TRPM3: variants seen among roughly 807,000 people sequenced by gnomAD.
TRPM3 encodes the protein long transient receptor potential channel 3.
A neutral mutation model predicts 181.2 loss-of-function variants in TRPM3; 77 were observed. That is an observed-to-expected ratio of 0.42 (90% CI 0.35 to 0.51). The LOEUF is 0.51. Ranked by LOEUF, TRPM3 falls within the 20% of genes least tolerant of loss-of-function variation. TRPM3 has a pLI of 0.01. For synonymous variants in TRPM3, 745 were observed against 796.4 expected (o/e 0.94, Z 1.09); for missense variants, 1,759 against 2,196.7 (o/e 0.80, Z 3.98).
intron 22 of TRPM3, among the ~76,000 whole-genome samples, chr9:70,566,590 A>C (rs1380987294): frequency 6.6e-6 from 1 of 152,222 alleles, no homozygotes; most frequent in African/African-American, 2.4e-5. Context: ...ATTGCTCCTC[A>C]TCCATTCCAC....
intron 22 of TRPM3, among the ~76,000 whole-genome samples, chr9:70,566,717 T>C (rs62545464): frequency 4.0e-5 from 6 of 151,894 alleles, no homozygotes; most frequent in African/African-American, 1.2e-4. Flanking sequence ...TGTACCTAGT[T>C]GGGGGAGATC....
intron 1 of TRPM3, among the ~76,000 whole-genome samples, chr9:71,207,724 A>T (rs2131776777): frequency 6.6e-6 from 1 of 152,292 alleles, no homozygotes; most frequent in South Asian, 2.1e-4. Context: ...ACTTTAAAGT[A>T]TTTCTGAATA....
At chr9:71,432,822 G>A (rs969594159) in intron 1 of TRPM3, among the ~76,000 whole-genome samples, 1 of 152,124 alleles carries the variant, frequency 6.6e-6, no homozygotes, top group Non-Finnish European at 1.5e-5. Context: ...GACAGCAAAT[G>A]TCAGGTCCAA....
intron 1 of TRPM3, among the ~76,000 whole-genome samples, chr9:71,069,618 T>C (rs200947884): frequency 4.4e-5 from 4 of 90,146 alleles, no homozygotes; most frequent in Admixed American, 3.5e-4. Context: ...CTTTTTTTTT[T>C]TTTTTTTTGA....
intron 22 of TRPM3, among the ~76,000 whole-genome samples, chr9:70,558,085 C>A (rs2048172516): frequency 6.6e-6 from 1 of 152,150 alleles, no homozygotes; most frequent in South Asian, 2.1e-4. Context: ...CCTGATCAAT[C>A]AGCTCAATAA....
At chr9:71,287,087 A>G (rs572288538) in intron 1 of TRPM3, among the ~76,000 whole-genome samples, 69 of 143,462 alleles carry the variant, frequency 4.8e-4, no homozygotes, top group African/African-American at 1.7e-3. Context: ...TATAAATTAT[A>G]TTATATGATA....
intron 1 of TRPM3, among the ~76,000 whole-genome samples, chr9:70,901,627 T>A (rs1007436058): frequency 9.9e-5 from 15 of 152,250 alleles, no homozygotes; most frequent in African/African-American, 3.6e-4. Flanking sequence ...GCAAATAAAA[T>A]TTAAGCATTC....
intron 1 of TRPM3, among the ~76,000 whole-genome samples, chr9:71,047,698 A>G (rs1405843987): frequency 1.3e-5 from 2 of 152,150 alleles, no homozygotes; most frequent in East Asian, 3.9e-4. Context: ...TCATCAGCAA[A>G]AGCTAGAATG....
chr9:70,761,817 G>T (rs1398332747), intron 7 of TRPM3, 93 bp from the exon 8 acceptor site: 19 of 1,429,666 alleles, frequency 1.3e-5, no homozygotes, highest in Admixed American at 2.4e-5. Flanking sequence ...AATAATGAGG[G>T]TTTACTTTAG....
chr9:70,575,479 C>T (rs528720747), intron 22 of TRPM3, among the ~76,000 whole-genome samples: 125 of 152,258 alleles, frequency 8.2e-4, no homozygotes, highest in African/African-American at 2.9e-3. Context: ...TAATTTGGCA[C>T]ATGACACATC....
chr9:71,096,272 A>G (rs984595819), intron 1 of TRPM3, among the ~76,000 whole-genome samples: 1 of 149,578 alleles, frequency 6.7e-6, no homozygotes, highest in African/African-American at 2.5e-5. Context: ...ATTTCAATCA[A>G]TTTTGATATC....
intron 22 of TRPM3, among the ~76,000 whole-genome samples, chr9:70,561,405 C>A (rs764926987): frequency 1.3e-5 from 2 of 152,136 alleles, no homozygotes; most frequent in Non-Finnish European, 2.9e-5. Context: ...ATGGCTACAT[C>A]TTTCTAGAAG....
intron 8 of TRPM3, among the ~76,000 whole-genome samples, chr9:70,759,939 TA>T (rs1316136890): frequency 6.6e-6 from 1 of 152,116 alleles, no homozygotes; most frequent in Non-Finnish European, 1.5e-5. Context: ...CTGAATGTTC[TA>T]CACAAGTATC....
chr9:71,081,833 T>A (rs2064396776), intron 1 of TRPM3, among the ~76,000 whole-genome samples: 1 of 152,182 alleles, frequency 6.6e-6, no homozygotes, highest in Non-Finnish European at 1.5e-5. Flanking sequence ...CTAATGAAAG[T>A]GTACAAACAT....
At chr9:70,880,668 T>C (rs2095973870) in intron 1 of TRPM3, among the ~76,000 whole-genome samples, 2 of 152,156 alleles carry the variant, frequency 1.3e-5, no homozygotes. Context: ...CTTAATTTTA[T>C]GGCTCTCTTT....
At chr9:70,654,705 T>G (rs933040443) in intron 9 of TRPM3, among the ~76,000 whole-genome samples, 2 of 139,816 alleles carry the variant, frequency 1.4e-5, no homozygotes, top group African/African-American at 2.8e-5. Flanking sequence ...TTTTTTGAGG[T>G]GGAGTCTCGC....
At chr9:70,966,358 A>G (rs2993005) in intron 1 of TRPM3, among the ~76,000 whole-genome samples, 45,440 of 151,976 alleles carry the variant, frequency 0.3, 6,974 homozygotes, top group South Asian at 0.35. Flanking sequence ...ACTTAGAAAC[A>G]GAATTACCAT....
chr9:71,140,986 T>A (rs2075068319), intron 1 of TRPM3, among the ~76,000 whole-genome samples: 1 of 152,210 alleles, frequency 6.6e-6, no homozygotes, highest in Non-Finnish European at 1.5e-5. Flanking sequence ...AGTAGTCAGA[T>A]AAGACACTTG....
chr9:70,648,580 A>G (rs1172113060), intron 9 of TRPM3, among the ~76,000 whole-genome samples: 1 of 152,130 alleles, frequency 6.6e-6, no homozygotes, highest in East Asian at 1.9e-4. Context: ...ACACTACCTG[A>G]CTTCAAACTA....
Sources: gnomAD v4.1 joint callset for allele counts (sites outside exome capture counted in the v4.1 genomes callset) on GRCh38, gnomAD v4.1.1 for gene constraint, MANE v1.5 for transcripts, NCBI Gene and HGNC (gene_info 2026-07-23, HGNC 2026-07-21) for gene names.